CNTNAP2: variants seen among roughly 807,000 people sequenced by gnomAD.
CNTNAP2 encodes contactin-associated protein-like 2.
CNTNAP2 carries 98 observed loss-of-function variants against 155.2 expected under a neutral mutation model. The ratio of observed to expected loss-of-function variants is 0.63; its 90% CI spans 0.54 to 0.75. The LOEUF (loss-of-function observed/expected upper bound fraction) is 0.75. Among genes scored for constraint, CNTNAP2 ranks in the 30% least tolerant of loss-of-function variants. The pLI is 0.00. For missense variants in CNTNAP2, 1,727 were observed against 1,688.1 expected (o/e 1.02, Z -0.40); for synonymous variants, 651 against 631.2 (o/e 1.03, Z -0.47).
Position 146,751,027 on chromosome 7 carries a change from T to C in CNTNAP2, c.98-23244T>C, listed in dbSNP as rs187645890. On this transcript the variant is annotated intron_variant, in intron 1 of 23. Coordinates refer to ENST00000361727, the MANE Select transcript of CNTNAP2 (RefSeq NM_014141.6). Reference sequence around the variant, plus strand: ...GAGGATAATTAAATGTTTACAAGTGTTATCTTGGAAGTAAATCCAACAATA... The same window carrying C: ...GAGGATAATTAAATGTTTACAAGTGCTATCTTGGAAGTAAATCCAACAATA... Among the ~76,000 whole-genome samples the C allele has an allele frequency of 1.9e-3, 282 of 152,258 alleles. 1 individual carries two copies. The highest frequency in any genetic ancestry group is 6.3e-3 in the African/African-American group (260 of 41,576).
At chr7:146,466,854 G>A (rs1431329910) in intron 1 of CNTNAP2, among the ~76,000 whole-genome samples, 1 of 152,068 alleles carries the variant, frequency 6.6e-6, no homozygotes, top group Middle Eastern at 3.2e-3. Context: ...ATACTTTATT[G>A]TGCTTGGCAT....
At chr7:146,531,240 C>T (rs1475139354) in intron 1 of CNTNAP2, among the ~76,000 whole-genome samples, 1 of 152,012 alleles carries the variant, frequency 6.6e-6, no homozygotes, top group African/African-American at 2.4e-5. Flanking sequence ...GAGGGAGGAG[C>T]ATAAGGATTT....
intron 13 of CNTNAP2, among the ~76,000 whole-genome samples, chr7:147,804,142 A>G (rs957293747): frequency 6.6e-6 from 1 of 152,232 alleles, no homozygotes; most frequent in African/African-American, 2.4e-5. Context: ...CTTTATAAAT[A>G]CCAGAAGCAC....
chr7:147,076,818 G>C (rs1174822947), intron 4 of CNTNAP2, among the ~76,000 whole-genome samples: 1 of 152,120 alleles, frequency 6.6e-6, no homozygotes, highest in Non-Finnish European at 1.5e-5. Context: ...CTATCAAAAA[G>C]AATGCAAGAT....
chr7:146,911,047 A>G (rs1796263849), intron 3 of CNTNAP2, among the ~76,000 whole-genome samples: 2 of 152,158 alleles, frequency 1.3e-5, no homozygotes, highest in South Asian at 4.1e-4. Context: ...CAAAAAACAC[A>G]TGAAAAAATG....
chr7:148,300,920 A>G (rs1426421297), intron 21 of CNTNAP2, among the ~76,000 whole-genome samples: 1 of 152,178 alleles, frequency 6.6e-6, no homozygotes, highest in Admixed American at 6.5e-5. Flanking sequence ...TTTGCAAGAC[A>G]AAGAATTTCC....
chr7:146,675,988 A>G (rs560504808), intron 1 of CNTNAP2, among the ~76,000 whole-genome samples: 17 of 152,120 alleles, frequency 1.1e-4, no homozygotes, highest in Non-Finnish European at 1.9e-4. Context: ...CAGTCACATA[A>G]TGTTGTTGGT....
At chr7:147,171,003 C>G (rs1455469497) in intron 8 of CNTNAP2, among the ~76,000 whole-genome samples, 1 of 152,158 alleles carries the variant, frequency 6.6e-6, no homozygotes, top group Admixed American at 6.5e-5. Context: ...TCTGTCAGAT[C>G]TGTTCCACAC....
chr7:147,126,070 T>G (rs1801228011), intron 6 of CNTNAP2, among the ~76,000 whole-genome samples: 2 of 152,146 alleles, frequency 1.3e-5, no homozygotes, highest in Admixed American at 1.3e-4. Context: ...TTAATGACAG[T>G]TCTTAGAATC....
intron 1 of CNTNAP2, among the ~76,000 whole-genome samples, chr7:146,588,506 CTTA>C (rs1338725920): frequency 8.5e-6 from 1 of 117,238 alleles, no homozygotes; most frequent in Non-Finnish European, 1.7e-5. Flanking sequence ...GAAATTACAG[CTTA>C]TTATATGTAT....
At chr7:146,857,115 C>T (rs1288447495) in intron 3 of CNTNAP2, among the ~76,000 whole-genome samples, 3 of 151,944 alleles carry the variant, frequency 2.0e-5, no homozygotes, top group African/African-American at 7.3e-5. Context: ...GAAATGTACA[C>T]TATTTGGAAG....
intron 15 of CNTNAP2, among the ~76,000 whole-genome samples, chr7:148,116,438 GTTTC>G (rs1476656730): frequency 6.6e-6 from 1 of 152,024 alleles, no homozygotes; most frequent in Non-Finnish European, 1.5e-5. Flanking sequence ...CAATCAAACG[GTTTC>G]TTTGTCTTGC....
intron 3 of CNTNAP2, among the ~76,000 whole-genome samples, chr7:147,038,236 T>G (rs980022187): frequency 3.9e-5 from 6 of 152,178 alleles, no homozygotes; most frequent in African/African-American, 1.2e-4. Flanking sequence ...ATATATAGCA[T>G]GCATTTTTCC....
intron 8 of CNTNAP2, among the ~76,000 whole-genome samples, chr7:147,259,993 A>G (rs1321466727): frequency 6.6e-6 from 1 of 152,168 alleles, no homozygotes; most frequent in Non-Finnish European, 1.5e-5. Flanking sequence ...AAAAGGATAG[A>G]TTGGTCATTG....
At chr7:147,045,364 C>T (rs1024056037) in intron 4 of CNTNAP2, among the ~76,000 whole-genome samples, 1 of 152,120 alleles carries the variant, frequency 6.6e-6, no homozygotes, top group African/African-American at 2.4e-5. Flanking sequence ...CCTCTGTACA[C>T]ATTTAGTAAC....
chr7:148,371,833 A>G (rs953054677), intron 21 of CNTNAP2, among the ~76,000 whole-genome samples: 3 of 152,230 alleles, frequency 2.0e-5, no homozygotes, highest in African/African-American at 7.2e-5. Flanking sequence ...ACTGCACTCA[A>G]TACTGTAGGC....
At chr7:147,014,456 CAATA>C (rs1323207147) in intron 3 of CNTNAP2, among the ~76,000 whole-genome samples, 1 of 151,840 alleles carries the variant, frequency 6.6e-6, no homozygotes, top group Non-Finnish European at 1.5e-5. Context: ...CATCATCCAA[CAATA>C]AATAAATAGG....
intron 21 of CNTNAP2, among the ~76,000 whole-genome samples, chr7:148,321,469 C>T (rs993871110): frequency 2.6e-5 from 4 of 152,148 alleles, no homozygotes; most frequent in Admixed American, 6.5e-5. Context: ...CAGAAGAAGA[C>T]GGTTTTGCAA....
intron 21 of CNTNAP2, among the ~76,000 whole-genome samples, chr7:148,351,001 G>A (rs1349796658): frequency 6.6e-6 from 1 of 152,222 alleles, no homozygotes; most frequent in East Asian, 1.9e-4. Context: ...CACTGTTCCA[G>A]GTGCTGGAGA....
Sources: allele counts gnomAD v4.1 joint callset (sites outside exome capture counted in the v4.1 genomes callset), GRCh38; gene constraint gnomAD v4.1.1; transcripts MANE v1.5; gene names NCBI Gene and HGNC (gene_info 2026-07-23, HGNC 2026-07-21).